RAB4A: variants seen among roughly 807,000 people sequenced by gnomAD.
RAB4A encodes the protein ras-related protein Rab-4A.
A neutral mutation model predicts 34.5 loss-of-function variants in RAB4A; 20 were observed. That is an observed-to-expected ratio of 0.58 (90% confidence interval 0.41 to 0.84). RAB4A has a LOEUF of 0.84. Among genes scored for constraint, RAB4A ranks in the 40% least tolerant of loss-of-function variants. The pLI, the probability that RAB4A is intolerant of heterozygous loss-of-function variation, is 0.00. For missense variants in RAB4A, 228 were observed against 274.5 expected (o/e 0.83, Z 1.20); for synonymous variants, 102 against 100.0 (o/e 1.02, Z -0.12).
At chr1:229,302,309 A>ATTTTTTTTTTTTTTTTT (rs869095524) in intron 6 of RAB4A, among the ~76,000 whole-genome samples, 2 of 35,900 alleles carry the variant, frequency 5.6e-5, no homozygotes, top group Non-Finnish European at 1.1e-4. Context: ...ATATATATAT[A>ATTTTTTTTTTTTTTTTT]TTTTTTTTTT....
chr1:229,275,252 GAGAA>G (rs994451841), intron 1 of RAB4A, among the ~76,000 whole-genome samples: 1 of 152,174 alleles, frequency 6.6e-6, no homozygotes, highest in Non-Finnish European at 1.5e-5. Flanking sequence ...TGCATTCAGA[GAGAA>G]AGAGATGTGA....
chr1:229,302,040 T>G (rs897580053), intron 6 of RAB4A, among the ~76,000 whole-genome samples: 15 of 151,412 alleles, frequency 9.9e-5, no homozygotes, highest in Admixed American at 7.3e-4. Context: ...ATTTTCAGAT[T>G]AGGGATGCTG....
At chr1:229,281,819 TA>T (rs1656785838) in intron 1 of RAB4A, among the ~76,000 whole-genome samples, 68 of 1,836 alleles carry the variant, frequency 0.037, no homozygotes, top group Admixed American at 0.18. Flanking sequence ...ATCATAGTTA[TA>T]TATATATATA....
At chr1:229,302,657 T>C (rs1210135679) in intron 6 of RAB4A, among the ~76,000 whole-genome samples, 1 of 151,836 alleles carries the variant, frequency 6.6e-6, no homozygotes, top group African/African-American at 2.4e-5. Flanking sequence ...CATCTAGAAC[T>C]CCTCCGAATC....
intron 3 of RAB4A, among the ~76,000 whole-genome samples, chr1:229,295,508 T>C (rs237775): frequency 0.65 from 98,728 of 151,798 alleles, 32,324 homozygotes; most frequent in African/African-American, 0.71. Flanking sequence ...GATGAGGAGC[T>C]CGCAGAGAAG....
At chr1:229,283,221 C>T (rs894464408) in intron 1 of RAB4A, among the ~76,000 whole-genome samples, 2 of 152,204 alleles carry the variant, frequency 1.3e-5, no homozygotes, top group African/African-American at 4.8e-5. Context: ...GTTCTCGTCC[C>T]TCTTTCCCTG....
chr1:229,298,612 C>A (rs1657303864), intron 5 of RAB4A, among the ~76,000 whole-genome samples: 1 of 152,192 alleles, frequency 6.6e-6, no homozygotes. Flanking sequence ...TGTGGTGACA[C>A]TCAGATTGTT....
Position 229,273,320 on chromosome 1 carries a change from C to T in RAB4A, c.31+1950C>T, listed in dbSNP as rs374445813. 9.2e-5 allele frequency among the ~76,000 whole-genome samples: 14 copies of T among 152,356 alleles called. No individual in the cohort carries two copies. In the East Asian group the frequency reaches 1.5e-3, roughly 17 times the overall value. The stretch of plus-strand genomic sequence containing the variant: ...CTTCACAGATTGATTACATTCTGAT[C>T]ATAAGGCTTTGACCATTAGTATTCT... On this transcript the variant is annotated intron_variant, in intron 1 of 7. Transcript: ENST00000366690.
chr1:229,301,435 A>G (rs772809834), intron 6 of RAB4A, among the ~76,000 whole-genome samples: 2 of 152,160 alleles, frequency 1.3e-5, no homozygotes, highest in Non-Finnish European at 2.9e-5. Flanking sequence ...TTTATCAGAA[A>G]GAAAAAAAAA....
chr1:229,293,839 C>G (rs747624361), intron 3 of RAB4A, among the ~76,000 whole-genome samples: 1 of 152,140 alleles, frequency 6.6e-6, no homozygotes, highest in Admixed American at 6.5e-5. Context: ...AGCGGTGTGA[C>G]GAGCCCAGAC....
intron 6 of RAB4A, among the ~76,000 whole-genome samples, chr1:229,302,189 C>T (rs1657399956): frequency 7.2e-6 from 1 of 139,772 alleles, no homozygotes; most frequent in Non-Finnish European, 1.5e-5. Context: ...AATTCATGAG[C>T]CAGTCTACTT....
intron 1 of RAB4A, among the ~76,000 whole-genome samples, 158 bp downstream of exon 1, chr1:229,271,528 G>C (rs1656477179): frequency 6.6e-6 from 1 of 151,950 alleles, no homozygotes; most frequent in South Asian, 2.1e-4. Flanking sequence ...ACCGGGATGG[G>C]GGACGCGGGC....
intron 1 of RAB4A, among the ~76,000 whole-genome samples, chr1:229,285,298 A>G (rs556322254): frequency 6.6e-6 from 1 of 152,298 alleles, no homozygotes; most frequent in African/African-American, 2.4e-5. Flanking sequence ...TTGTGAGCCA[A>G]CGCGCTCAGC....
intron 1 of RAB4A, among the ~76,000 whole-genome samples, chr1:229,281,816 TTATATATATATATATATA>T (rs61184911): frequency 7.1e-6 from 1 of 140,400 alleles, no homozygotes; most frequent in African/African-American, 2.6e-5. Flanking sequence ...CTTATCATAG[TTATATATATATATATATA>T]TATATATATA....
intron 1 of RAB4A, among the ~76,000 whole-genome samples, chr1:229,273,432 A>G (rs575935739): frequency 2.6e-5 from 4 of 152,344 alleles, no homozygotes; most frequent in African/African-American, 9.6e-5. Flanking sequence ...ATCGAAAACT[A>G]GTAGAAACTA....
chr1:229,273,063 T>G (rs1656538385), intron 1 of RAB4A, among the ~76,000 whole-genome samples: 2 of 152,252 alleles, frequency 1.3e-5, no homozygotes, highest in East Asian at 3.8e-4. Flanking sequence ...AAGTGCTCTT[T>G]AGCCCAGGCT....
chr1:229,287,030 G>A (rs1656940867), intron 2 of RAB4A, among the ~76,000 whole-genome samples: 1 of 152,200 alleles, frequency 6.6e-6, no homozygotes, highest in Admixed American at 6.5e-5. Flanking sequence ...GACTTTCACT[G>A]TTTTGGTAAA....
intron 1 of RAB4A, among the ~76,000 whole-genome samples, chr1:229,281,926 TATAG>T (rs1173485638): frequency 1.1e-4 from 17 of 151,530 alleles, no homozygotes; most frequent in Non-Finnish European, 2.4e-4. Context: ...TTTAGAATCA[TATAG>T]ATAATACTAT....
At chr1:229,278,838 A>G (rs1261893904) in intron 1 of RAB4A, among the ~76,000 whole-genome samples, 1 of 152,172 alleles carries the variant, frequency 6.6e-6, no homozygotes, top group African/African-American at 2.4e-5. Context: ...CCCACCTGAA[A>G]TGATGTTGGT....
Sources: gnomAD v4.1 joint callset for allele counts (sites outside exome capture counted in the v4.1 genomes callset) on GRCh38, gnomAD v4.1.1 for gene constraint, MANE v1.5 for transcripts, NCBI Gene and HGNC (gene_info 2026-07-23, HGNC 2026-07-21) for gene names.